The following THEMIS variants were observed in gnomAD, a reference collection of about 807,000 sequenced individuals.
THEMIS encodes the protein thymocyte selection associated.
In THEMIS, 37 loss-of-function variants were observed where a neutral mutation model predicts 52.6. The observed-to-expected ratio is 0.70, with a 90% CI of 0.54 to 0.93. The LOEUF (loss-of-function observed/expected upper bound fraction) is 0.93. THEMIS is among the 40% of genes least tolerant of loss of function. The pLI, the probability that THEMIS is intolerant of heterozygous loss-of-function variation, is 0.00. For missense variants in THEMIS, 808 were observed against 763.1 expected (o/e 1.06, Z -0.69); for synonymous variants, 292 against 272.7 (o/e 1.07, Z -0.70).
At chr6:127,846,350 T>C (rs1332648414) in intron 2 of THEMIS, among the ~76,000 whole-genome samples, 1 of 151,582 alleles carries the variant, frequency 6.6e-6, no homozygotes, top group Non-Finnish European at 1.5e-5. Flanking sequence ...CTGTACACAG[T>C]GGGAGAGGGC....
intron 3 of THEMIS, among the ~76,000 whole-genome samples, chr6:127,815,356 GA>G (rs2114614141): frequency 6.6e-6 from 1 of 151,806 alleles, no homozygotes; most frequent in South Asian, 2.1e-4. Context: ...GGAATATTTA[GA>G]AGACAGAATA....
intron 4 of THEMIS, among the ~76,000 whole-genome samples, chr6:127,747,030 A>ATATC (rs797006833): frequency 1.0e-3 from 41 of 40,306 alleles, no homozygotes; most frequent in African/African-American, 4.4e-3. Context: ...TTATATATAG[A>ATATC]TATAATTATA....
chr6:127,901,994 G>A (rs1198423407), upstream of THEMIS, among the ~76,000 whole-genome samples: 1 of 151,830 alleles, frequency 6.6e-6, no homozygotes, highest in Non-Finnish European at 1.5e-5. Context: ...ACAATTAAAG[G>A]TGGTAGTTCC....
intron 4 of THEMIS, 104 bp downstream of exon 4, chr6:127,812,779 G>A: frequency 8.7e-7 from 1 of 1,152,838 alleles, no homozygotes; most frequent in Non-Finnish European, 1.2e-6. Flanking sequence ...TGCAAATATG[G>A]CATGAAAGAA....
chr6:127,829,000 G>A lies in THEMIS; in HGVS notation c.709+476C>T, dbSNP rs1242904269. ...CTTAAGACAGAGGGGCTCTGGGTTA[G>A]TAGAGATTTACAGCCAATAATGGAT... is the stretch of plus-strand genomic sequence containing the variant. On this transcript the variant is annotated intron_variant, in intron 3 of 5. Coordinates refer to ENST00000368248, the MANE Select transcript of THEMIS (RefSeq NM_001010923.3). Among the ~76,000 whole-genome samples, 8 of 152,182 alleles carry A rather than the reference G, an allele frequency of 5.3e-5. No individual in the cohort carries two copies. In the East Asian group the frequency reaches 1.2e-3, roughly 22 times the overall value.
chr6:127,893,188 G>C (rs1780863017), intron 1 of THEMIS, among the ~76,000 whole-genome samples: 1 of 151,780 alleles, frequency 6.6e-6, no homozygotes, highest in African/African-American at 2.4e-5. Flanking sequence ...TATTGTTAAT[G>C]TTTTACTTTT....
intron 2 of THEMIS, among the ~76,000 whole-genome samples, chr6:127,850,193 C>A (rs1049357679): frequency 6.6e-6 from 1 of 151,764 alleles, no homozygotes; most frequent in African/African-American, 2.4e-5. Context: ...TGAGATACCA[C>A]CTTACTCCTG....
chr6:127,716,409 A>C (rs1310464660), intron 5 of THEMIS, among the ~76,000 whole-genome samples: 2 of 151,894 alleles, frequency 1.3e-5, no homozygotes, highest in Admixed American at 6.6e-5. Context: ...CTTGGCTGAA[A>C]AAAAGCCACA....
At position 127,827,695 on chromosome 6, in the gene THEMIS, A is replaced by G. The variant is rs188862861; in HGVS notation, c.709+1781T>C. On this transcript the variant is annotated intron_variant, in intron 3 of 5. Coordinates refer to ENST00000368248, the MANE Select transcript of THEMIS (RefSeq NM_001010923.3). The stretch of plus-strand genomic sequence containing the variant: ...TTTTCCCCTTCCAATAGATCTTCAC[A>G]TTTTGCTCTCTGTACTTCTTAAATA... 3.3e-4 allele frequency among the ~76,000 whole-genome samples: 50 copies of G among 152,188 alleles called. 1 individual carries two copies. The highest frequency in any genetic ancestry group is 1.0e-3 in the African/African-American group (42 of 41,524).
At chr6:127,699,359 A>G in the THEMIS span, among the ~76,000 whole-genome samples, 6 of 151,512 alleles carry the variant, frequency 4.0e-5, no homozygotes, top group South Asian at 1.2e-3. Flanking sequence ...TCCATACATT[A>G]TTTAATTAAG....
At chr6:127,702,219 T>C in the THEMIS span, among the ~76,000 whole-genome samples, 2 of 152,184 alleles carry the variant, frequency 1.3e-5, no homozygotes, top group Non-Finnish European at 2.9e-5. Flanking sequence ...TTCCAGCTGT[T>C]GTATTAGGCT....
intron 4 of THEMIS, among the ~76,000 whole-genome samples, chr6:127,735,943 C>G (rs1774990288): frequency 6.6e-6 from 1 of 152,154 alleles, no homozygotes; most frequent in Non-Finnish European, 1.5e-5. Context: ...ACATAAATTA[C>G]TTTTGTTAAG....
intron 4 of THEMIS, among the ~76,000 whole-genome samples, chr6:127,734,923 G>A (rs1158684445): frequency 7.3e-6 from 1 of 137,804 alleles, no homozygotes; most frequent in Non-Finnish European, 1.5e-5. Context: ...ATGTGTGTGT[G>A]TGTGTGTGTG....
intron 4 of THEMIS, among the ~76,000 whole-genome samples, chr6:127,743,407 G>T (rs144332114): frequency 1.6e-3 from 244 of 152,290 alleles, no homozygotes; most frequent in Non-Finnish European, 2.7e-3. Flanking sequence ...TGAATGAAAT[G>T]AAGGGAGAAA....
chr6:127,915,077 T>C (rs947113959), intron 1 of THEMIS, among the ~76,000 whole-genome samples: 1 of 152,214 alleles, frequency 6.6e-6, no homozygotes, highest in African/African-American at 2.4e-5. Flanking sequence ...TCGTCATTGA[T>C]GGATCCATTT....
At chr6:127,722,738 T>A (rs1774404801) in intron 4 of THEMIS, among the ~76,000 whole-genome samples, 2 of 151,996 alleles carry the variant, frequency 1.3e-5, no homozygotes, top group South Asian at 4.1e-4. Flanking sequence ...TCTGCTACTT[T>A]GATATTCCTG....
At chr6:127,811,104 G>T (rs968804237) in intron 4 of THEMIS, among the ~76,000 whole-genome samples, 2 of 152,054 alleles carry the variant, frequency 1.3e-5, no homozygotes, top group African/African-American at 4.8e-5. Flanking sequence ...AGCAAAACAG[G>T]TAGTGACTTG....
chr6:127,867,686 G>A (rs1275182205), intron 1 of THEMIS, among the ~76,000 whole-genome samples: 1 of 152,066 alleles, frequency 6.6e-6, no homozygotes, highest in East Asian at 1.9e-4. Context: ...AAGAAACGGA[G>A]AACAGATATA....
At chr6:127,745,569 T>C (rs1775360081) in intron 4 of THEMIS, among the ~76,000 whole-genome samples, 1 of 151,876 alleles carries the variant, frequency 6.6e-6, no homozygotes, top group Non-Finnish European at 1.5e-5. Flanking sequence ...TATTATGCCC[T>C]GTGGGTGAAT....
Sources: gnomAD v4.1 joint callset for allele counts (sites outside exome capture counted in the v4.1 genomes callset) on GRCh38, gnomAD v4.1.1 for gene constraint, MANE v1.5 for transcripts, NCBI Gene and HGNC (gene_info 2026-07-23, HGNC 2026-07-21) for gene names.